NANP: variants seen among roughly 807,000 people sequenced by gnomAD.
NANP encodes the protein N-acylneuraminate-9-phosphatase.
Under a neutral mutation model 16.9 loss-of-function variants are expected in NANP, and 15 were observed. The observed-to-expected ratio is 0.89, with a 90% CI of 0.59 to 1.37. The LOEUF is 1.37. Among genes scored for constraint, NANP ranks in the 40% most tolerant of loss-of-function variants. The pLI, the probability that NANP is intolerant of heterozygous loss-of-function variation, is 0.00. For synonymous variants in NANP, 135 were observed against 112.6 expected, an observed-to-expected ratio of 1.20 and a Z score of -1.26; for missense variants, 290 against 303.5, an observed-to-expected ratio of 0.96 and a Z score of 0.33.
rs2065331245 is a variant in NANP, at chr20:25,613,777, A to G, written c.*2148T>C. 2.5e-6 allele frequency: 1 copy of G among 398,570 alleles called. No homozygotes were observed. The highest frequency in any genetic ancestry group is 2.1e-5 in the African/African-American group (1 of 48,750). The allele number at this position is 398,570 out of a possible 1,614,324, so 24.7% of individuals were successfully genotyped here. On this transcript the variant is annotated 3_prime_UTR_variant, in exon 2 of 2. Transcript: ENST00000304788. Reference sequence around the variant, plus strand: ...CCTTCTACATCATTTCTGCTGGAGAACTGCTCACTTAACATCCTAGAAGCT... The same window carrying G: ...CCTTCTACATCATTTCTGCTGGAGAGCTGCTCACTTAACATCCTAGAAGCT...
Position 25,616,409 on chromosome 20 carries a change from G to A in NANP, c.263C>T (p.Ala88Val). 2 of 1,614,114 alleles carry A rather than the reference G, an allele frequency of 1.2e-6. No individual in the cohort carries two copies. The change falls in exon 2 of 2, where the codon GCC becomes GTC. Residue 88 changes from alanine (A) to valine (V), a missense_variant. Coordinates refer to ENST00000304788, the MANE Select transcript of NANP (RefSeq NM_152667.3). ...EAIQETKGGAANRKLAEECYF... is the reference protein window; with the variant it reads ...EAIQETKGGAVNRKLAEECYF... ...ACATTCTTCAGCCAATTTTCTATTGGCTGCACCACCTTTTGTTTCCTGGAT... is the reference window on the plus strand; with the variant it reads ...ACATTCTTCAGCCAATTTTCTATTGACTGCACCACCTTTTGTTTCCTGGAT...
In NANP at chr20:25,623,962, G is replaced by A. The variant is rs557547714; in HGVS notation, c.-14C>T. The stretch of plus-strand genomic sequence containing the variant: ...GCTCAGCCCCATAGCGCCGGCCGCT[G>A]GCGCGAACCGTAGCCTTGCCACCGC... On this transcript the variant is annotated 5_prime_UTR_variant, in exon 1 of 2. The change creates a premature stop within an existing upstream ORF in the 5' untranslated region. Transcript: ENST00000304788. 2 of 1,610,846 alleles carry A rather than the reference G, an allele frequency of 1.2e-6. No individual in the cohort carries two copies. Among genetic ancestry groups the A allele is most frequent in the Admixed American group, 1.7e-5 (1 of 59,782 alleles).
rs899304316 is a variant in NANP at position 25,614,982 on chromosome 20, CA to C, written c.*942del. 136 of 140,578 alleles carry C rather than the reference CA, an allele frequency of 9.7e-4. No homozygotes were observed. The highest frequency in any genetic ancestry group is 3.5e-3 in the Middle Eastern group (1 of 282). 8.7% of individuals were successfully genotyped at this position (140,578 alleles called of 1,614,324 possible). ...AACCTGGGCGACAGAGATCCCATTTCAAAAAAAAAAAGGAACAGATTGGGGG... is the reference window on the plus strand; with the variant it reads ...AACCTGGGCGACAGAGATCCCATTTCAAAAAAAAAAGGAACAGATTGGGGG... On this transcript the variant is annotated 3_prime_UTR_variant, in exon 2 of 2. Transcript: ENST00000304788.
intron 1 of NANP, among the ~76,000 whole-genome samples, chr20:25,622,717 T>C (rs912049430): frequency 2.0e-5 from 3 of 152,246 alleles, no homozygotes; most frequent in Non-Finnish European, 2.9e-5. Flanking sequence ...AAATGTCTAC[T>C]GATTCCGGCA....
At position 25,614,225 on chromosome 20, in the gene NANP, A is replaced by T; in HGVS notation, c.*1700T>A. The T allele has an allele frequency of 5.8e-6, 1 of 173,200 alleles. No homozygotes were observed. The highest frequency in any genetic ancestry group is 1.5e-4 in the East Asian group (1 of 6,620). The allele number at this position is 173,200 out of a possible 1,614,324, so 10.7% of individuals were successfully genotyped here. ...TGGCTAAAGAAATAGGCTCACAGAT[A>T]GGTACAATCTACAATTTGATTCTCT... On this transcript the variant is annotated 3_prime_UTR_variant, in exon 2 of 2. Transcript: ENST00000304788.
intron 1 of NANP, 101 bp downstream of exon 1, chr20:25,623,758 G>T: frequency 8.5e-7 from 1 of 1,182,812 alleles, no homozygotes; most frequent in African/African-American, 1.6e-5. Context: ...AGAGCGGCCC[G>T]CGGCGCCGGG....
At chr20:25,621,649 G>A (rs913172314) in intron 1 of NANP, among the ~76,000 whole-genome samples, 4 of 152,194 alleles carry the variant, frequency 2.6e-5, no homozygotes, top group Non-Finnish European at 5.9e-5. Context: ...CCGCCTCCCG[G>A]GTTCACGCCA....
rs1188044928 is a variant in NANP at position 25,614,562 on chromosome 20, T to C, written c.*1363A>G. The C allele has an allele frequency of 6.6e-6, 1 of 152,112 alleles. No individual in the cohort carries two copies. The highest frequency in any genetic ancestry group is 1.5e-5 in the Non-Finnish European group (1 of 68,038). The allele number at this position is 152,112 out of a possible 1,614,324, so 9.4% of individuals were successfully genotyped here. A position where few individuals can be genotyped will look rare whatever the true frequency, so the allele number is the denominator to read the frequency against. On this transcript the variant is annotated 3_prime_UTR_variant, in exon 2 of 2. Coordinates refer to ENST00000304788, the MANE Select transcript of NANP (RefSeq NM_152667.3). Reference sequence around the variant, plus strand: ...TAAACCCTGAATTAGATATAGAAATTTGCAAAACAATGATATATTTCCAAG... The same window carrying C: ...TAAACCCTGAATTAGATATAGAAATCTGCAAAACAATGATATATTTCCAAG...
intron 1 of NANP, among the ~76,000 whole-genome samples, chr20:25,620,773 G>C (rs2122208986): frequency 6.6e-6 from 1 of 152,036 alleles, no homozygotes; most frequent in East Asian, 1.9e-4. Context: ...TCTGAACCAT[G>C]GCCCATCCCA....
chr20:25,617,949 AC>A (rs781051895), intron 1 of NANP, among the ~76,000 whole-genome samples: 11 of 152,288 alleles, frequency 7.2e-5, no homozygotes, highest in Admixed American at 6.5e-4. Context: ...CAAGCATTGT[AC>A]TACATACTTA....
At chr20:25,620,790 G>A (rs1028568908) in intron 1 of NANP, among the ~76,000 whole-genome samples, 3 of 151,840 alleles carry the variant, frequency 2.0e-5, no homozygotes, top group African/African-American at 7.3e-5. Flanking sequence ...CCCATCCTGC[G>A]GAACTCAGGT....
Position 25,616,320 on chromosome 20 carries a change from G to C in NANP, c.352C>G (p.Leu118Val). ...MTLAEDVKAM[L>V]TELRKEVRLL... The stretch of plus-strand genomic sequence containing the variant: ...CGGACCTCCTTTCGAAGTTCAGTAA[G>C]CATGGCTTTGACGTCTTCTGCTAGT... Residue 118 changes from leucine (L) to valine (V), a missense_variant, in exon 2 of 2, where the codon CTT becomes GTT. Coordinates refer to ENST00000304788, the MANE Select transcript of NANP (RefSeq NM_152667.3). 1 of 1,614,122 alleles carries C rather than the reference G, an allele frequency of 6.2e-7. No individual in the cohort carries two copies. The highest frequency in any genetic ancestry group is 8.5e-7 in the Non-Finnish European group (1 of 1,180,010).
Position 25,623,937 on chromosome 20 carries a change from G to T in NANP, c.12C>A (p.Ser4Arg), listed in dbSNP as rs761694474. Residue 4 changes from serine to arginine, a missense_variant, in exon 1 of 2, where the codon AGC becomes AGA. Transcript: ENST00000304788. MGL[S>R]RVRAVFFDLD... ...AGTCAAAGAAAACCGCCCGCACGCGGCTCAGCCCCATAGCGCCGGCCGCTG... is the reference window on the plus strand; with the variant it reads ...AGTCAAAGAAAACCGCCCGCACGCGTCTCAGCCCCATAGCGCCGGCCGCTG... 1.2e-6 allele frequency: 2 copies of T among 1,613,042 alleles called. No individual in the cohort carries two copies. Among genetic ancestry groups the T allele is most frequent in the South Asian group, 2.2e-5 (2 of 91,046 alleles).
rs1161212171 is a variant in NANP at position 25,614,803 on chromosome 20, C to G, written c.*1122G>C. 2 of 151,892 alleles carry G rather than the reference C, an allele frequency of 1.3e-5. No homozygotes were observed. The allele number at this position is 151,892 out of a possible 1,614,324, so 9.4% of individuals were successfully genotyped here. On this transcript the variant is annotated 3_prime_UTR_variant, in exon 2 of 2. Transcript: ENST00000304788. Reference sequence around the variant, plus strand: ...AGGAATTCGAGACCAGCCTGGGCAACATGGCAAAATCCCATCTCTACAAAA... The same window carrying G: ...AGGAATTCGAGACCAGCCTGGGCAAGATGGCAAAATCCCATCTCTACAAAA...
intron 1 of NANP, among the ~76,000 whole-genome samples, chr20:25,621,288 T>G (rs1402316006): frequency 6.6e-6 from 1 of 152,184 alleles, no homozygotes; most frequent in Non-Finnish European, 1.5e-5. Context: ...CTGTAAATAT[T>G]TATTATGTTC....
rs1278482479 is a variant in NANP, at chr20:25,616,294, G to C, written c.378C>G (p.Arg126=). The part of the protein sequence containing the change: ...AMLTELRKEV[R]LLLLTNGDRQ... Reference sequence around the variant, plus strand: ...TGTCCCCATTCGTTAATAGAAGTAGGCGGACCTCCTTTCGAAGTTCAGTAA... The same window carrying C: ...TGTCCCCATTCGTTAATAGAAGTAGCCGGACCTCCTTTCGAAGTTCAGTAA... Residue 126 remains arginine (R), a synonymous_variant, in exon 2 of 2, where the codon CGC becomes CGG. Coordinates refer to ENST00000304788, the MANE Select transcript of NANP (RefSeq NM_152667.3). The C allele has an allele frequency of 1.2e-6, 2 of 1,614,122 alleles. No homozygotes were observed. Among genetic ancestry groups the C allele is most frequent in the Non-Finnish European group, 1.7e-6 (2 of 1,180,016 alleles).
At chr20:25,619,631 A>C (rs1201717005) in intron 1 of NANP, among the ~76,000 whole-genome samples, 1 of 152,234 alleles carries the variant, frequency 6.6e-6, no homozygotes, top group Non-Finnish European at 1.5e-5. Context: ...CTATGAACAA[A>C]TAAAGCTTTC....
chr20:25,622,662 TAA>T (rs1222773304), intron 1 of NANP, among the ~76,000 whole-genome samples: 1 of 152,188 alleles, frequency 6.6e-6, no homozygotes. Flanking sequence ...GCCAACAAGT[TAA>T]AAGTGTGGAA....
intron 1 of NANP, among the ~76,000 whole-genome samples, chr20:25,623,192 A>C (rs1248644743): frequency 6.6e-6 from 1 of 151,960 alleles, no homozygotes; most frequent in Admixed American, 6.5e-5. Flanking sequence ...GGAAGGTCTG[A>C]AAGCGCCTCC....
Sources: allele counts gnomAD v4.1 joint callset (sites outside exome capture counted in the v4.1 genomes callset), GRCh38; gene constraint gnomAD v4.1.1; transcripts MANE v1.5; gene names NCBI Gene and HGNC (gene_info 2026-07-23, HGNC 2026-07-21).